The following SH3RF3 variants were observed in gnomAD, a reference collection of about 807,000 sequenced individuals.
SH3RF3 encodes the protein SH3 domain containing ring finger 3.
SH3RF3 carries 29 observed loss-of-function variants against 66.3 expected under a neutral mutation model. That is an observed-to-expected ratio of 0.44 (90% CI 0.33 to 0.60). The LOEUF is 0.60. SH3RF3 is among the 20% of genes least tolerant of loss of function. The probability of loss-of-function intolerance (pLI) is 0.04; values close to 1 mark genes in which losing one functional copy is unlikely to be tolerated. For missense variants in SH3RF3, 1,194 were observed against 1,190.9 expected, an observed-to-expected ratio of 1.00 and a Z score of -0.04; for synonymous variants, 583 against 532.0, an observed-to-expected ratio of 1.10 and a Z score of -1.32.
At chr2:109,491,942 A>G (rs1679140495) in intron 9 of SH3RF3, among the ~76,000 whole-genome samples, 1 of 152,160 alleles carries the variant, frequency 6.6e-6, no homozygotes, top group African/African-American at 2.4e-5. Context: ...GGGGAATGAG[A>G]CGGGGTCTAT....
At chr2:109,373,856 C>T (rs567781373) in intron 3 of SH3RF3, among the ~76,000 whole-genome samples, 5 of 152,236 alleles carry the variant, frequency 3.3e-5, no homozygotes, top group East Asian at 3.9e-4. Context: ...CTGAAGGCTG[C>T]GTTGGGCCCC....
intron 1 of SH3RF3, among the ~76,000 whole-genome samples, chr2:109,266,379 G>A (rs13018137): frequency 6.6e-6 from 1 of 152,068 alleles, no homozygotes; most frequent in Non-Finnish European, 1.5e-5. Flanking sequence ...TCTGACAAGA[G>A]GCTGCCCCAA....
chr2:109,276,718 T>C (rs2105331960), intron 1 of SH3RF3, among the ~76,000 whole-genome samples: 1 of 152,332 alleles, frequency 6.6e-6, no homozygotes, highest in Admixed American at 6.5e-5. Context: ...TAAATCACAT[T>C]ATTCCAGCTT....
intron 1 of SH3RF3, among the ~76,000 whole-genome samples, chr2:109,347,111 A>G (rs1682728261): frequency 6.6e-6 from 1 of 152,226 alleles, no homozygotes; most frequent in African/African-American, 2.4e-5. Context: ...CCCCTGGAGC[A>G]TGCTCGAGTT....
At chr2:109,379,407 G>A in intron 3 of SH3RF3, among the ~76,000 whole-genome samples, 1 of 152,042 alleles carries the variant, frequency 6.6e-6, no homozygotes, top group African/African-American at 2.4e-5. Flanking sequence ...CCGTCCCGTG[G>A]TCCCACTCTC....
rs1679836248 is a variant in SH3RF3 at position 109,243,468 on chromosome 2, A to C, written c.574-104206A>C. ...GGATTTTCGTATTCTCCTCGTGTGC[A>C]TTCCAGCCAGGGAGGCCAATGAACA... is the stretch of plus-strand genomic sequence containing the variant. On this transcript the variant is annotated intron_variant, in intron 1 of 9. Coordinates refer to ENST00000309415, the MANE Select transcript of SH3RF3 (RefSeq NM_001099289.3). Among the ~76,000 whole-genome samples, 4 of 152,376 alleles carry C rather than the reference A, an allele frequency of 2.6e-5. No individual in the cohort carries two copies. The South Asian group carries it at 8.3e-4, about 32-fold the overall frequency.
chr2:109,390,446 A>C (rs1456453022), intron 3 of SH3RF3, among the ~76,000 whole-genome samples: 2 of 152,086 alleles, frequency 1.3e-5, no homozygotes, highest in African/African-American at 4.8e-5. Context: ...CTGTTTTCTT[A>C]TTTAGTCCTG....
At chr2:109,134,403 C>T (rs1281853461) in intron 1 of SH3RF3, among the ~76,000 whole-genome samples, 1 of 152,190 alleles carries the variant, frequency 6.6e-6, no homozygotes, top group Non-Finnish European at 1.5e-5. Flanking sequence ...GTTGATATGA[C>T]AGCTGAGTTA....
At chr2:109,139,849 C>T (rs1676899698) in intron 1 of SH3RF3, among the ~76,000 whole-genome samples, 1 of 152,190 alleles carries the variant, frequency 6.6e-6, no homozygotes, top group South Asian at 2.1e-4. Context: ...CATTGCTTGG[C>T]AGTTTGACAT....
intron 3 of SH3RF3, among the ~76,000 whole-genome samples, chr2:109,384,498 A>G (rs1467444577): frequency 6.6e-6 from 1 of 151,012 alleles, no homozygotes; most frequent in Non-Finnish European, 1.5e-5. Flanking sequence ...AGGTGGGAGG[A>G]GAGGGGTTGG....
intron 1 of SH3RF3, among the ~76,000 whole-genome samples, chr2:109,269,403 C>T (rs1680577071): frequency 6.6e-6 from 1 of 152,234 alleles, no homozygotes; most frequent in East Asian, 1.9e-4. Context: ...TTCTCCATGG[C>T]TCTGCTGGCC....
At chr2:109,137,847 C>T (rs1290425689) in intron 1 of SH3RF3, among the ~76,000 whole-genome samples, 2 of 152,226 alleles carry the variant, frequency 1.3e-5, no homozygotes, top group East Asian at 1.9e-4. Context: ...GTCAAGGAAT[C>T]CTTCAGATGA....
At position 109,206,490 on chromosome 2, in the gene SH3RF3, C is replaced by CAAAAAAA. The variant is rs36060217; in HGVS notation, c.573+76396_573+76402dup. Among the ~76,000 whole-genome samples, 306 of 40,756 alleles carry CAAAAAAA rather than the reference C, an allele frequency of 7.5e-3. 17 individuals are homozygous for CAAAAAAA. Among genetic ancestry groups the CAAAAAAA allele is most frequent in the African/African-American group, 0.029 (290 of 10,076 alleles). 26.7% of individuals were successfully genotyped at this position (40,756 alleles called of 152,430 possible). On this transcript the variant is annotated intron_variant, in intron 1 of 9. Coordinates refer to ENST00000309415, the MANE Select transcript of SH3RF3 (RefSeq NM_001099289.3). ...TGGGCGACAGAGTGAGACTCCGTCT[C>CAAAAAAA]AAAAAAAAAAAAAAAAAAAAAAAAA...
At chr2:109,375,789 C>T (rs1683368182) in intron 3 of SH3RF3, among the ~76,000 whole-genome samples, 1 of 152,258 alleles carries the variant, frequency 6.6e-6, no homozygotes, top group Non-Finnish European at 1.5e-5. Context: ...GGGGTCAGGC[C>T]TCGGCCCAGC....
intron 7 of SH3RF3, among the ~76,000 whole-genome samples, chr2:109,446,040 C>T (rs140000907): frequency 6.6e-6 from 1 of 152,258 alleles, no homozygotes; most frequent in East Asian, 1.9e-4. Context: ...CTTCATCTGT[C>T]AGCTTGACTT....
intron 1 of SH3RF3, among the ~76,000 whole-genome samples, chr2:109,269,803 A>G (rs187424671): frequency 3.0e-4 from 46 of 152,282 alleles, no homozygotes; most frequent in Middle Eastern, 3.4e-3. Context: ...ATAGTTACCA[A>G]GATACTTGTG....
At chr2:109,312,338 C>T (rs1681749307) in intron 1 of SH3RF3, among the ~76,000 whole-genome samples, 1 of 152,138 alleles carries the variant, frequency 6.6e-6, no homozygotes, top group Non-Finnish European at 1.5e-5. Flanking sequence ...ATAATTCTAA[C>T]AAGTTTAACG....
At chr2:109,245,481 T>C (rs1310790509) in intron 1 of SH3RF3, among the ~76,000 whole-genome samples, 1 of 152,236 alleles carries the variant, frequency 6.6e-6, no homozygotes, top group Non-Finnish European at 1.5e-5. Context: ...CTATGTGAGT[T>C]GATTATTTTC....
At chr2:109,366,680 C>T (rs557136914) in intron 2 of SH3RF3, among the ~76,000 whole-genome samples, 1 of 152,218 alleles carries the variant, frequency 6.6e-6, no homozygotes, top group East Asian at 1.9e-4. Flanking sequence ...GAGACCTTGT[C>T]TCTACAAATA....
Sources: gnomAD v4.1 joint callset for allele counts (sites outside exome capture counted in the v4.1 genomes callset) on GRCh38, gnomAD v4.1.1 for gene constraint, MANE v1.5 for transcripts, NCBI Gene and HGNC (gene_info 2026-07-23, HGNC 2026-07-21) for gene names.